The following FARP2 variants were observed in gnomAD, a reference collection of about 807,000 sequenced individuals.
The protein encoded by FARP2 is FERM, ARH/RhoGEF and pleckstrin domain protein 2, also known as FERM, ARHGEF and pleckstrin domain-containing protein 2.
Under a neutral mutation model 130.5 loss-of-function variants are expected in FARP2, and 111 were observed. The ratio of observed to expected loss-of-function variants is 0.85; its 90% CI spans 0.73 to 1.00. The LOEUF (loss-of-function observed/expected upper bound fraction) is 1.00, where lower values mean the gene tolerates loss of function less well. Among genes scored for constraint, FARP2 ranks in the 50% least tolerant of loss-of-function variants. The probability of loss-of-function intolerance (pLI) is 0.00; values close to 1 mark genes in which losing one functional copy is unlikely to be tolerated. For synonymous variants in FARP2, 504 were observed against 516.9 expected (o/e 0.98, Z 0.34); for missense variants, 1,385 against 1,346.3 (o/e 1.03, Z -0.45).
chr2:241,464,565 G>A (rs757746524), intron 17 of FARP2, among the ~76,000 whole-genome samples: 17 of 151,542 alleles, frequency 1.1e-4, no homozygotes, highest in African/African-American at 3.4e-4. Context: ...GGTCCCTCCA[G>A]AGCAGGGTCC....
intron 2 of FARP2, among the ~76,000 whole-genome samples, chr2:241,394,481 G>A (rs929604657): frequency 2.0e-5 from 3 of 148,832 alleles, no homozygotes; most frequent in Non-Finnish European, 4.4e-5. Context: ...TCGCGCCACT[G>A]CACTCCAGCC....
At position 241,482,632 on chromosome 2, in the gene FARP2, A is replaced by C. The variant is rs1295876918; in HGVS notation, c.2263-833A>C. On this transcript the variant is annotated intron_variant, in intron 19 of 26. Transcript: ENST00000264042. The surrounding 1 kb of genome is among the most constrained non-coding windows in gnomAD (Gnocchi z 4.6). ...ACGTTTCTGTTTGGGCTGGTTTTTC[A>C]TCCTGCGTTTCTGTGAGGATTATCT... 6.6e-6 allele frequency among the ~76,000 whole-genome samples: 1 copy of C among 152,058 alleles called. No homozygotes were observed. Among genetic ancestry groups the C allele is most frequent in the Non-Finnish European group, 1.5e-5 (1 of 67,990 alleles).
chr2:241,491,552 A>T lies in FARP2; in HGVS notation c.2660A>T (p.Glu887Val). ...PNEVSLEQES[E>V]DDARGVRSSL... The stretch of plus-strand genomic sequence containing the variant: ...GAGGTATCTCTGGAGCAGGAGTCAG[A>T]AGATGATGCTCGGGGTGTCCGCAGC... The change falls in exon 24 of 27, where the codon GAA becomes GTA. Residue 887 changes from glutamate to valine, a missense_variant. Coordinates refer to ENST00000264042, the MANE Select transcript of FARP2 (RefSeq NM_014808.4). The T allele has an allele frequency of 6.2e-7, 1 of 1,613,774 alleles. No individual in the cohort carries two copies. Among genetic ancestry groups the T allele is most frequent in the Non-Finnish European group, 8.5e-7 (1 of 1,179,926 alleles).
intron 5 of FARP2, among the ~76,000 whole-genome samples, chr2:241,408,497 T>G (rs1190052274): frequency 6.6e-6 from 1 of 151,502 alleles, no homozygotes; most frequent in Non-Finnish European, 1.5e-5. Flanking sequence ...GAGCCGAGAT[T>G]GGCATTTCAG....
At chr2:241,403,036 C>G (rs2150348386) in intron 2 of FARP2, among the ~76,000 whole-genome samples, 1 of 148,036 alleles carries the variant, frequency 6.8e-6, no homozygotes, top group East Asian at 2.0e-4. Flanking sequence ...TCAGCCCATT[C>G]TTTTCCTTAA....
At chr2:241,360,668 T>C (rs181756217) in intron 1 of FARP2, among the ~76,000 whole-genome samples, 1,798 of 137,274 alleles carry the variant, frequency 0.013, 31 homozygotes, top group African/African-American at 0.047. Flanking sequence ...AGCGAGACTC[T>C]GTCTCAAAAA....
chr2:241,448,195 A>G (rs528363016), intron 13 of FARP2, among the ~76,000 whole-genome samples: 1 of 152,258 alleles, frequency 6.6e-6, no homozygotes, highest in Non-Finnish European at 1.5e-5. Context: ...TACCCCCCCT[A>G]CATCATGCCA....
intron 1 of FARP2, among the ~76,000 whole-genome samples, chr2:241,368,475 A>G (rs2061360995): frequency 6.6e-6 from 1 of 152,094 alleles, no homozygotes; most frequent in South Asian, 2.1e-4. Context: ...CCTCTTTAAT[A>G]CTTGTTTATA....
intron 21 of FARP2, among the ~76,000 whole-genome samples, chr2:241,485,203 C>T (rs536844686): frequency 2.9e-4 from 44 of 150,336 alleles, no homozygotes; most frequent in African/African-American, 1.0e-3. Context: ...TCCTCACTCC[C>T]TGTGGTCTTC....
chr2:241,477,215 C>T (rs1164851036), intron 19 of FARP2, among the ~76,000 whole-genome samples: 1 of 151,180 alleles, frequency 6.6e-6, no homozygotes, highest in East Asian at 1.9e-4. Flanking sequence ...CTGCAACCTC[C>T]GCCTCCCAGG....
rs111462824 is a variant in FARP2, at chr2:241,397,736, G to A, written c.184-6092G>A. 7.9e-5 allele frequency among the ~76,000 whole-genome samples: 12 copies of A among 151,968 alleles called. 1 individual carries two copies. Among genetic ancestry groups the A allele is most frequent in the African/African-American group, 2.4e-4 (10 of 41,440 alleles). On this transcript the variant is annotated intron_variant, in intron 2 of 26. Transcript: ENST00000264042. ...GGTTCTTGGTGTATCAAGCAGAGGC[G>A]AAGTTCACAGCTCAGAGACTTTTGT...
intron 1 of FARP2, among the ~76,000 whole-genome samples, chr2:241,358,980 T>C (rs1033854034): frequency 2.0e-5 from 3 of 152,230 alleles, no homozygotes; most frequent in African/African-American, 7.2e-5. Flanking sequence ...TAAACTTTGT[T>C]GTGTCAGTAG....
intron 14 of FARP2, among the ~76,000 whole-genome samples, chr2:241,461,584 A>C (rs2064019295): frequency 6.6e-6 from 1 of 152,070 alleles, no homozygotes; most frequent in Non-Finnish European, 1.5e-5. Context: ...GCTCTGCGTT[A>C]TGTCTTGTAC....
intron 4 of FARP2, among the ~76,000 whole-genome samples, chr2:241,406,797 GTTT>G (rs1416599812): frequency 1.2e-3 from 178 of 151,228 alleles, no homozygotes; most frequent in African/African-American, 4.2e-3. Flanking sequence ...TTTCCTACTT[GTTT>G]TTATTTATTT....
Position 241,366,092 on chromosome 2 carries a change from T to TAA in FARP2, c.-24-6980_-24-6979dup, listed in dbSNP as rs201202290. Among the ~76,000 whole-genome samples, 135 of 73,856 alleles carry TAA rather than the reference T, an allele frequency of 1.8e-3. 3 individuals carry two copies. Among genetic ancestry groups the TAA allele is most frequent in the Non-Finnish European group, 2.3e-3 (81 of 35,792 alleles). 48.5% of individuals were successfully genotyped at this position (73,856 alleles called of 152,430 possible). On this transcript the variant is annotated intron_variant, in intron 1 of 26. Transcript: ENST00000264042. ...TAACCTAGTGAGACCTCATCACTAC[T>TAA]AAAAAAAAAAAAATATATATATATA...
At position 241,453,795 on chromosome 2, in the gene FARP2, T is replaced by G. The variant is rs976148464; in HGVS notation, c.1412-2952T>G. On this transcript the variant is annotated intron_variant, in intron 13 of 26. Transcript: ENST00000264042. ...TTTTTTTTTTTTTTTTTTTTTTTTT[T>G]TTTTTTGAGATGGGGCCTTCCTCTG... is the stretch of plus-strand genomic sequence containing the variant. 1.3e-4 allele frequency among the ~76,000 whole-genome samples: 16 copies of G among 121,950 alleles called. 1 individual carries two copies. The highest frequency in any genetic ancestry group is 3.8e-4 in the African/African-American group (12 of 31,924). The allele number at this position is 121,950 out of a possible 152,430, so 80.0% of individuals were successfully genotyped here. A position where few individuals can be genotyped will look rare whatever the true frequency, so the allele number is the denominator to read the frequency against.
chr2:241,428,074 C>T (rs79581922), intron 8 of FARP2, among the ~76,000 whole-genome samples: 12,208 of 151,940 alleles, frequency 0.08, 489 homozygotes, highest in Middle Eastern at 0.13. Context: ...CCTAGGCCCT[C>T]GGTTTTTTAA....
At chr2:241,363,229 A>C (rs1372043690) in intron 1 of FARP2, among the ~76,000 whole-genome samples, 2 of 152,246 alleles carry the variant, frequency 1.3e-5, no homozygotes, top group African/African-American at 4.8e-5. Context: ...CAAGACAGAA[A>C]GTGGGAGAAA....
At chr2:241,463,490 C>T (rs754902573) in intron 16 of FARP2, 22 bp downstream of exon 16, 1 of 1,609,146 alleles carries the variant, frequency 6.2e-7, no homozygotes, top group Non-Finnish European at 8.5e-7. Context: ...TCAGCCCCCA[C>T]ACGGGAGACT....
Sources: allele counts gnomAD v4.1 joint callset (sites outside exome capture counted in the v4.1 genomes callset), GRCh38; gene constraint gnomAD v4.1.1; non-coding constraint Gnocchi (gnomAD v3.1); transcripts MANE v1.5; gene names NCBI Gene and HGNC (gene_info 2026-07-23, HGNC 2026-07-21).